Variants in CLSTN2 observed in about 807,000 individuals in gnomAD.
CLSTN2 encodes the protein calsyntenin 2.
Under a neutral mutation model 101.2 loss-of-function variants are expected in CLSTN2, and 48 were observed. That is an observed-to-expected ratio of 0.47 (90% confidence interval 0.38 to 0.60). CLSTN2 has a LOEUF of 0.60. Ranked by LOEUF, CLSTN2 falls within the 20% of genes least tolerant of loss-of-function variation. The pLI is 0.00. For missense variants in CLSTN2, 1,160 were observed against 1,238.2 expected, an observed-to-expected ratio of 0.94 and a Z score of 0.95; for synonymous variants, 481 against 463.6, an observed-to-expected ratio of 1.04 and a Z score of -0.48.
intron 2 of CLSTN2, among the ~76,000 whole-genome samples, chr3:140,249,538 A>C (rs2086544238): frequency 1.3e-5 from 2 of 152,194 alleles, no homozygotes; most frequent in Non-Finnish European, 2.9e-5. Context: ...AATGGCTTCC[A>C]TATTGGGCAC....
intron 2 of CLSTN2, among the ~76,000 whole-genome samples, chr3:140,306,854 A>G (rs911165408): frequency 1.4e-5 from 2 of 142,750 alleles, no homozygotes; most frequent in Non-Finnish European, 3.0e-5. Flanking sequence ...TCTTTTTATT[A>G]TTATTATTAT....
intron 2 of CLSTN2, among the ~76,000 whole-genome samples, chr3:140,308,234 A>T (rs1871496): frequency 0.16 from 24,970 of 152,216 alleles, 2,370 homozygotes; most frequent in East Asian, 0.34. Flanking sequence ...TCAGAGAAAG[A>T]GTACAGGCTT....
chr3:139,942,959 G>A (rs1053329797), intron 1 of CLSTN2, among the ~76,000 whole-genome samples: 1 of 152,164 alleles, frequency 6.6e-6, no homozygotes, highest in Non-Finnish European at 1.5e-5. Flanking sequence ...CCTCCCCAGA[G>A]ATTGGCCAGA....
intron 2 of CLSTN2, among the ~76,000 whole-genome samples, chr3:140,323,478 C>T (rs2087303838): frequency 6.6e-6 from 1 of 152,246 alleles, no homozygotes; most frequent in African/African-American, 2.4e-5. Flanking sequence ...ACTTCCTCTT[C>T]AGCCTCATAG....
intron 2 of CLSTN2, among the ~76,000 whole-genome samples, chr3:140,376,439 G>A (rs765274309): frequency 6.6e-6 from 1 of 152,198 alleles, no homozygotes; most frequent in Non-Finnish European, 1.5e-5. Context: ...TCTTGTGGCA[G>A]CATCACAGCC....
intron 1 of CLSTN2, among the ~76,000 whole-genome samples, chr3:140,174,854 C>T (rs1317722685): frequency 1.3e-5 from 2 of 152,164 alleles, no homozygotes; most frequent in Admixed American, 1.3e-4. Flanking sequence ...CAAACCATAT[C>T]ACTGGGAATC....
At chr3:140,177,976 C>T (rs1182183175) in intron 2 of CLSTN2, among the ~76,000 whole-genome samples, 1 of 152,072 alleles carries the variant, frequency 6.6e-6, no homozygotes, top group Non-Finnish European at 1.5e-5. Context: ...CAAGAAGATC[C>T]TCTCATTCAC....
In CLSTN2 at chr3:140,251,198, G is replaced by T. The variant is rs75308390; in HGVS notation, c.232+75125G>T. Among the ~76,000 whole-genome samples the T allele has an allele frequency of 1.3e-3, 193 of 152,246 alleles. 1 individual carries two copies. Among genetic ancestry groups the T allele is most frequent in the African/African-American group, 4.5e-3 (186 of 41,538 alleles). On this transcript the variant is annotated intron_variant, in intron 2 of 16. Transcript: ENST00000458420. Reference sequence around the variant, plus strand: ...GTGGAGAGAAGGGAGGAATGAATGAGTGATGTTGCCAGATAGTGACTTCAT... The same window carrying T: ...GTGGAGAGAAGGGAGGAATGAATGATTGATGTTGCCAGATAGTGACTTCAT...
chr3:140,418,742 T>C (rs1483290084), intron 4 of CLSTN2, among the ~76,000 whole-genome samples: 1 of 152,056 alleles, frequency 6.6e-6, no homozygotes, highest in East Asian at 1.9e-4. Flanking sequence ...GGTCTCGAAC[T>C]CCCGACTTTG....
chr3:140,316,488 A>G (rs1445834937), intron 2 of CLSTN2, among the ~76,000 whole-genome samples: 4 of 152,004 alleles, frequency 2.6e-5, no homozygotes, highest in East Asian at 3.9e-4. Context: ...TTTCTTTTCC[A>G]TGAAGCTCCT....
At position 140,576,297 on chromosome 3, in the gene CLSTN2, C is replaced by T. The variant is rs1178754877; in HGVS notation, c.*10044C>T. 1 of 152,196 alleles carries T rather than the reference C, an allele frequency of 6.6e-6. No individual in the cohort carries two copies. The highest frequency in any genetic ancestry group is 2.4e-5 in the African/African-American group (1 of 41,444). The allele number at this position is 152,196 out of a possible 1,614,324, so 9.4% of individuals were successfully genotyped here. ...GCTGAACACCCAACAGCTGTTTCTA[C>T]AAGCTAAAGTTGTAGCTTCTCTCTA... On this transcript the variant is annotated 3_prime_UTR_variant, in exon 17 of 17. Transcript: ENST00000458420.
intron 1 of CLSTN2, among the ~76,000 whole-genome samples, chr3:139,970,321 G>C (rs11719471): frequency 5.3e-5 from 8 of 151,956 alleles, no homozygotes; most frequent in Non-Finnish European, 8.8e-5. Context: ...AAGCATCTGG[G>C]GGGGGATGCT....
At position 140,345,849 on chromosome 3, in the gene CLSTN2, TCA is replaced by T. The variant is rs1389252460; in HGVS notation, c.233-57777_233-57776del. 1.3e-5 allele frequency among the ~76,000 whole-genome samples: 2 copies of T among 152,152 alleles called. 1 individual carries two copies. On this transcript the variant is annotated intron_variant, in intron 2 of 16. Coordinates refer to ENST00000458420, the MANE Select transcript of CLSTN2 (RefSeq NM_022131.3). ...ATGTTTGCCGGATGGTACTTTAAAG[TCA>T]CAGCTGCTCCTAATTTAAAGGAATC...
intron 1 of CLSTN2, among the ~76,000 whole-genome samples, chr3:139,979,903 A>G (rs554269351): frequency 2.6e-5 from 4 of 152,090 alleles, no homozygotes; most frequent in Admixed American, 1.3e-4. Flanking sequence ...AGCAAATGGC[A>G]TTTCCATTCA....
chr3:140,469,746 C>A (rs891400583), intron 8 of CLSTN2, among the ~76,000 whole-genome samples: 10 of 151,994 alleles, frequency 6.6e-5, no homozygotes, highest in African/African-American at 1.9e-4. Context: ...ATGGTTGGCG[C>A]CTAGTAAATG....
intron 2 of CLSTN2, among the ~76,000 whole-genome samples, chr3:140,366,382 G>A (rs2087789813): frequency 1.3e-5 from 2 of 152,344 alleles, no homozygotes; most frequent in South Asian, 2.1e-4. Context: ...CAGGAGACAG[G>A]ATCTCTTCTG....
intron 1 of CLSTN2, among the ~76,000 whole-genome samples, chr3:140,030,789 C>T (rs2007530391): frequency 6.6e-6 from 1 of 152,188 alleles, no homozygotes; most frequent in South Asian, 2.1e-4. Flanking sequence ...AAAACGCATG[C>T]CCAACAACAT....
At chr3:140,088,542 T>C (rs913971906) in intron 1 of CLSTN2, among the ~76,000 whole-genome samples, 2 of 152,228 alleles carry the variant, frequency 1.3e-5, no homozygotes, top group Non-Finnish European at 2.9e-5. Flanking sequence ...TTTAAGGTCA[T>C]TTGAGCTGCC....
At position 140,007,650 on chromosome 3, in the gene CLSTN2, G is replaced by A. The variant is rs559118718; in HGVS notation, c.109+72167G>A. ...ACTCAGAGTGAGCTTGCAAGGCGGC[G>A]GTGGGAGGCTCGGTCTGGCTCTCCT... On this transcript the variant is annotated intron_variant, in intron 1 of 16. Coordinates refer to ENST00000458420, the MANE Select transcript of CLSTN2 (RefSeq NM_022131.3). Among the ~76,000 whole-genome samples, 3 of 152,312 alleles carry A rather than the reference G, an allele frequency of 2.0e-5. No individual in the cohort carries two copies. In the South Asian group the frequency reaches 6.2e-4, roughly 32 times the overall value.
Sources: allele counts gnomAD v4.1 joint callset (sites outside exome capture counted in the v4.1 genomes callset), GRCh38; gene constraint gnomAD v4.1.1; transcripts MANE v1.5; gene names NCBI Gene and HGNC (gene_info 2026-07-23, HGNC 2026-07-21).